The following ST6GALNAC3 variants were observed in gnomAD, a reference collection of about 807,000 sequenced individuals.
ST6GALNAC3 encodes the protein alpha-N-acetylgalactosaminide alpha-2,6-sialyltransferase 3.
ST6GALNAC3 carries 25 observed loss-of-function variants against 32.7 expected under a neutral mutation model. The ratio of observed to expected loss-of-function variants is 0.76; its 90% CI spans 0.56 to 1.07. The LOEUF is 1.07. Ranked by LOEUF, ST6GALNAC3 falls within the 50% of genes least tolerant of loss-of-function variation. The pLI, the probability that ST6GALNAC3 is intolerant of heterozygous loss-of-function variation, is 0.00. For missense variants in ST6GALNAC3, 355 were observed against 382.4 expected (o/e 0.93, Z 0.60); for synonymous variants, 129 against 133.1 (o/e 0.97, Z 0.21).
At chr1:76,262,314 T>G (rs369912106) in intron 1 of ST6GALNAC3, among the ~76,000 whole-genome samples, 8 of 152,344 alleles carry the variant, frequency 5.3e-5, no homozygotes, top group African/African-American at 1.7e-4. Flanking sequence ...CAGCTCTGCC[T>G]GACACCAGTG....
chr1:76,143,827 AT>A (rs1650500356), intron 1 of ST6GALNAC3, among the ~76,000 whole-genome samples: 1 of 152,152 alleles, frequency 6.6e-6, no homozygotes, highest in African/African-American at 2.4e-5. Context: ...GCTGCGGCTT[AT>A]TGAGGCCTCA....
At position 76,634,120 on chromosome 1, in the gene ST6GALNAC3, C is replaced by T. The variant is rs1213364630; in HGVS notation, c.*5314C>T. The T allele has an allele frequency of 1.0e-6, 1 of 982,304 alleles. No individual in the cohort carries two copies. Among genetic ancestry groups the T allele is most frequent in the Non-Finnish European group, 1.2e-6 (1 of 828,570 alleles). The allele number at this position is 982,304 out of a possible 1,614,324, so 60.8% of individuals were successfully genotyped here. A position where few individuals can be genotyped will look rare whatever the true frequency, so the allele number is the denominator to read the frequency against. ...TTTTTGAGTAGAAAACCTCTTCTTT[C>T]TCCACAGATACATCTCTTTTTGTTC... is the stretch of plus-strand genomic sequence containing the variant. On this transcript the variant is annotated 3_prime_UTR_variant, in exon 5 of 5. Transcript: ENST00000328299.
chr1:76,565,824 C>A (rs1665521252), intron 3 of ST6GALNAC3, among the ~76,000 whole-genome samples: 2 of 152,240 alleles, frequency 1.3e-5, no homozygotes, highest in South Asian at 4.1e-4. Flanking sequence ...AAACAGATGC[C>A]CCTGGAACAA....
intron 2 of ST6GALNAC3, among the ~76,000 whole-genome samples, chr1:76,367,041 C>T (rs1650426826): frequency 6.6e-6 from 1 of 152,104 alleles, no homozygotes; most frequent in Admixed American, 6.6e-5. Flanking sequence ...CAAAGAAAGG[C>T]AGAACAAGAC....
chr1:76,378,225 C>T (rs1651394299), intron 2 of ST6GALNAC3, among the ~76,000 whole-genome samples: 1 of 152,100 alleles, frequency 6.6e-6, no homozygotes, highest in Admixed American at 6.6e-5. Flanking sequence ...AAAAAGTTCT[C>T]AGAATTGATA....
Position 76,588,502 on chromosome 1 carries a change from A to G in ST6GALNAC3, c.624-38950A>G, listed in dbSNP as rs372438153. 7.8e-4 allele frequency among the ~76,000 whole-genome samples: 119 copies of G among 152,356 alleles called. 3 individuals carry two copies. In the South Asian group the frequency reaches 0.023, roughly 29 times the overall value. The stretch of plus-strand genomic sequence containing the variant: ...AAAAGTAATGCACTTGATATTTGCC[A>G]TGGACAGGATACTGTAAATCAGTGC... On this transcript the variant is annotated intron_variant, in intron 3 of 4. Coordinates refer to ENST00000328299, the MANE Select transcript of ST6GALNAC3 (RefSeq NM_152996.4).
chr1:76,266,241 A>C (rs556253909), intron 1 of ST6GALNAC3, among the ~76,000 whole-genome samples: 9 of 152,344 alleles, frequency 5.9e-5, no homozygotes, highest in Non-Finnish European at 1.2e-4. Flanking sequence ...GAGGCAGAGC[A>C]CTAAGTGAGT....
chr1:76,240,459 C>T (rs546034558), intron 1 of ST6GALNAC3, among the ~76,000 whole-genome samples: 1 of 152,316 alleles, frequency 6.6e-6, no homozygotes, highest in Admixed American at 6.5e-5. Flanking sequence ...CATGTCTTCT[C>T]CATTTCTCAG....
intron 3 of ST6GALNAC3, among the ~76,000 whole-genome samples, chr1:76,552,117 T>C (rs987763696): frequency 4.6e-5 from 7 of 152,144 alleles, no homozygotes; most frequent in African/African-American, 1.7e-4. Flanking sequence ...TTGCTGTAGC[T>C]AGTTAGGACT....
At chr1:76,503,500 C>G (rs920115248) in intron 3 of ST6GALNAC3, among the ~76,000 whole-genome samples, 3 of 152,220 alleles carry the variant, frequency 2.0e-5, no homozygotes, top group Admixed American at 1.3e-4. Context: ...ATAGCAAAAT[C>G]TGTTCCTGTC....
rs572995061 is a variant in ST6GALNAC3 at position 76,213,369 on chromosome 1, T to C, written c.19-100436T>C. Among the ~76,000 whole-genome samples, 3 of 152,334 alleles carry C rather than the reference T, an allele frequency of 2.0e-5. No homozygotes were observed. The South Asian group carries it at 6.2e-4, about 32-fold the overall frequency. On this transcript the variant is annotated intron_variant, in intron 1 of 4. Transcript: ENST00000328299. ...CAACATGGAGCAGAGCCCCTATCAA[T>C]GCACATGAAGCCACAATGTGATTGA...
At chr1:76,542,739 T>G (rs1664067966) in intron 3 of ST6GALNAC3, among the ~76,000 whole-genome samples, 1 of 152,198 alleles carries the variant, frequency 6.6e-6, no homozygotes, top group Non-Finnish European at 1.5e-5. Context: ...AGGTACATTA[T>G]AAAGGAGAGC....
At position 76,325,655 on chromosome 1, in the gene ST6GALNAC3, G is replaced by GC. The variant is rs202050769; in HGVS notation, c.213+11661dup. 9.4e-3 allele frequency among the ~76,000 whole-genome samples: 1,401 copies of GC among 149,806 alleles called. 10 individuals are homozygous for GC. Among genetic ancestry groups the GC allele is most frequent in the Middle Eastern group, 0.028 (8 of 288 alleles). ...GCTCACAGGACAATATTTCCAGCAT[G>GC]CCCCCGGAATGGTAGACATGCTGAA... On this transcript the variant is annotated intron_variant, in intron 2 of 4. Transcript: ENST00000328299.
intron 2 of ST6GALNAC3, among the ~76,000 whole-genome samples, chr1:76,406,488 G>A (rs1256400507): frequency 6.6e-6 from 1 of 151,930 alleles, no homozygotes; most frequent in Non-Finnish European, 1.5e-5. Flanking sequence ...GTCATGATTA[G>A]TTTATCTTAG....
At chr1:76,514,360 G>C (rs1293297431) in intron 3 of ST6GALNAC3, among the ~76,000 whole-genome samples, 1 of 152,012 alleles carries the variant, frequency 6.6e-6, no homozygotes, top group Non-Finnish European at 1.5e-5. Context: ...TTGTTAATGT[G>C]GTTGTATGGT....
intron 3 of ST6GALNAC3, among the ~76,000 whole-genome samples, chr1:76,501,570 G>GA (rs920803368): frequency 6.6e-6 from 1 of 151,570 alleles, no homozygotes; most frequent in Non-Finnish European, 1.5e-5. Context: ...GTCAAAGAAA[G>GA]AAAAAAAACC....
chr1:76,494,014 C>G (rs1660654510), intron 3 of ST6GALNAC3, among the ~76,000 whole-genome samples: 1 of 152,122 alleles, frequency 6.6e-6, no homozygotes, highest in Non-Finnish European at 1.5e-5. Context: ...AGTATCCTGT[C>G]AATTTCTACA....
intron 2 of ST6GALNAC3, among the ~76,000 whole-genome samples, chr1:76,328,631 G>A (rs1375934360): frequency 1.3e-5 from 2 of 152,092 alleles, no homozygotes; most frequent in African/African-American, 2.4e-5. Flanking sequence ...AATAATATGA[G>A]CTTTTGGACA....
Position 76,409,291 on chromosome 1 carries a change from C to T in ST6GALNAC3, c.214-2717C>T, listed in dbSNP as rs143215249. Among the ~76,000 whole-genome samples, 277 of 152,194 alleles carry T rather than the reference C, an allele frequency of 1.8e-3. 1 individual carries two copies. The highest frequency in any genetic ancestry group is 6.8e-3 in the Middle Eastern group (2 of 294). On this transcript the variant is annotated intron_variant, in intron 2 of 4. Transcript: ENST00000328299. ...TACTGTGTTAGGGGTGATGAACAGT[C>T]CCTTTAATAACAGAGTTTTAAGACA...
Sources: allele counts gnomAD v4.1 joint callset (sites outside exome capture counted in the v4.1 genomes callset), GRCh38; gene constraint gnomAD v4.1.1; transcripts MANE v1.5; gene names NCBI Gene and HGNC (gene_info 2026-07-23, HGNC 2026-07-21).